The following EYA3 variants were observed in gnomAD, a reference collection of about 807,000 sequenced individuals.
EYA3 encodes the protein protein phosphatase EYA3.
A neutral mutation model predicts 80.0 loss-of-function variants in EYA3; 39 were observed. The ratio of observed to expected loss-of-function variants is 0.49; its 90% CI spans 0.38 to 0.64. EYA3 has a LOEUF of 0.64. Among genes scored for constraint, EYA3 ranks in the 30% least tolerant of loss-of-function variants. The pLI, the probability that EYA3 is intolerant of heterozygous loss-of-function variation, is 0.00. For missense variants in EYA3, 523 were observed against 676.1 expected, an observed-to-expected ratio of 0.77 and a Z score of 2.51; for synonymous variants, 206 against 232.8, an observed-to-expected ratio of 0.88 and a Z score of 1.05.
rs1369533852 is a variant in EYA3, at chr1:28,049,164, TA to T, written c.34-739del. ...AGAAGAAGGCAGAAACTCTCCTAGA[TA>T]ATTTGAAGCAAGCGTATCAGGTGGA... On this transcript the variant is annotated intron_variant, in intron 2 of 17. Coordinates refer to ENST00000373871, the MANE Select transcript of EYA3 (RefSeq NM_001990.4). Among the ~76,000 whole-genome samples, 4 of 152,306 alleles carry T rather than the reference TA, an allele frequency of 2.6e-5. No individual in the cohort carries two copies. The East Asian group carries it at 7.7e-4, about 29-fold the overall frequency.
At chr1:28,044,025 G>GA (rs1279757493) in intron 3 of EYA3, among the ~76,000 whole-genome samples, 6 of 151,998 alleles carry the variant, frequency 3.9e-5, no homozygotes, top group Admixed American at 2.6e-4. Context: ...AACTTATAAG[G>GA]AAAATTAAGA....
intron 8 of EYA3, among the ~76,000 whole-genome samples, chr1:28,016,114 A>C (rs1642044849): frequency 6.6e-6 from 1 of 152,318 alleles, no homozygotes; most frequent in Admixed American, 6.5e-5. Context: ...GGAAAAACCA[A>C]ATAGAGACTG....
At chr1:28,051,707 AAACT>A (rs1489960565) in intron 2 of EYA3, among the ~76,000 whole-genome samples, 1 of 152,120 alleles carries the variant, frequency 6.6e-6, no homozygotes, top group Admixed American at 6.5e-5. Context: ...ACAAACAAAA[AAACT>A]TAGGAATAAA....
chr1:28,040,938 G>C (rs913982294), intron 4 of EYA3, among the ~76,000 whole-genome samples: 1 of 152,192 alleles, frequency 6.6e-6, no homozygotes, highest in East Asian at 1.9e-4. Flanking sequence ...AGGGAAGACC[G>C]TGATGACACA....
At chr1:27,983,879 T>G (rs368372740) in intron 16 of EYA3, among the ~76,000 whole-genome samples, 5 of 152,322 alleles carry the variant, frequency 3.3e-5, no homozygotes, top group African/African-American at 1.2e-4. Flanking sequence ...GCTCTCAAAC[T>G]CCTGACCTCA....
intron 7 of EYA3, among the ~76,000 whole-genome samples, chr1:28,018,285 G>T (rs1642205856): frequency 6.6e-6 from 1 of 152,150 alleles, no homozygotes; most frequent in Admixed American, 6.5e-5. Context: ...AGTAATTTGG[G>T]TTAAGTTTTA....
intron 6 of EYA3, among the ~76,000 whole-genome samples, chr1:28,031,478 G>C (rs1320873706): frequency 6.6e-6 from 1 of 152,200 alleles, no homozygotes; most frequent in East Asian, 1.9e-4. Flanking sequence ...GCTAACAATG[G>C]GTAAGTAAGT....
chr1:27,993,656 G>T, intron 13 of EYA3, 96 bp from the exon 14 acceptor site: 1 of 1,013,268 alleles, frequency 9.9e-7, no homozygotes, highest in Non-Finnish European at 1.4e-6. Flanking sequence ...TGATAAATAA[G>T]GCCAATGGCT....
At position 28,061,669 on chromosome 1, in the gene EYA3, A is replaced by G. The variant is rs566128300; in HGVS notation, c.-68-3575T>C. Reference sequence around the variant, plus strand: ...GGCTGGAGTGCAGTGGCGCGATCTCAGCTCACTGCAAGCTCCGCCTCCCAG... The same window carrying G: ...GGCTGGAGTGCAGTGGCGCGATCTCGGCTCACTGCAAGCTCCGCCTCCCAG... On this transcript the variant is annotated intron_variant, in intron 1 of 17. Coordinates refer to ENST00000373871, the MANE Select transcript of EYA3 (RefSeq NM_001990.4). Among the ~76,000 whole-genome samples, 359 of 151,184 alleles carry G rather than the reference A, an allele frequency of 2.4e-3. 1 individual carries two copies. The highest frequency in any genetic ancestry group is 3.7e-3 in the Non-Finnish European group (253 of 67,822).
intron 1 of EYA3, among the ~76,000 whole-genome samples, chr1:28,082,787 G>A (rs1645477828): frequency 6.6e-6 from 1 of 152,080 alleles, no homozygotes. Context: ...TTAACTTCGA[G>A]GGGCCATTTT....
intron 13 of EYA3, among the ~76,000 whole-genome samples, chr1:27,995,323 G>T (rs996602293): frequency 2.0e-5 from 3 of 149,792 alleles, no homozygotes; most frequent in Admixed American, 6.7e-5. Context: ...GGGGTGGGAG[G>T]ATCATTTAAG....
chr1:28,046,724 G>A (rs1644018073), intron 3 of EYA3, among the ~76,000 whole-genome samples: 1 of 152,186 alleles, frequency 6.6e-6, no homozygotes. Flanking sequence ...TAGGTGGATA[G>A]TTGGGTTTAA....
In EYA3 at chr1:28,063,191, A is replaced by G. The variant is rs147720325; in HGVS notation, c.-68-5097T>C. ...ACAGAGATATTCAGGAGTTAACTGG[A>G]TATCTATGACACAGTCCCACATAGA... On this transcript the variant is annotated intron_variant, in intron 1 of 17. Coordinates refer to ENST00000373871, the MANE Select transcript of EYA3 (RefSeq NM_001990.4). Among the ~76,000 whole-genome samples the G allele has an allele frequency of 2.6e-5, 4 of 152,004 alleles. No homozygotes were observed. In the East Asian group the frequency reaches 7.7e-4, roughly 29 times the overall value.
chr1:28,010,580 T>C (rs910984794), intron 10 of EYA3, among the ~76,000 whole-genome samples: 2 of 152,070 alleles, frequency 1.3e-5, no homozygotes, highest in Non-Finnish European at 2.9e-5. Context: ...GATGGGGGTC[T>C]CACTATGTTG....
chr1:27,999,884 T>C, intron 12 of EYA3, 76 bp downstream of exon 12: 2 of 1,107,674 alleles, frequency 1.8e-6, no homozygotes, highest in South Asian at 1.6e-5. Context: ...TATCTTCTAA[T>C]ATAATAAGCA....
Position 28,013,274 on chromosome 1 carries a change from A to G in EYA3, c.606T>C (p.Ile202=), listed in dbSNP as rs1346217465. 3.1e-6 allele frequency: 5 copies of G among 1,613,876 alleles called. No homozygotes were observed. Among genetic ancestry groups the G allele is most frequent in the Non-Finnish European group, 3.4e-6 (4 of 1,179,872 alleles). ...AGGCCTGGTACTGATTCTGACCAAGAATAGTATAGGTGGGATAATCCTGCA... is the reference window on the plus strand; with the variant it reads ...AGGCCTGGTACTGATTCTGACCAAGGATAGTATAGGTGGGATAATCCTGCA... ...ISNQDYPTYT[I]LGQNQYQACY... is the part of the protein sequence containing the mutation. Residue 202 remains isoleucine (I), a synonymous_variant, in exon 9 of 18, where the codon ATT becomes ATC. Transcript: ENST00000373871. The surrounding 1 kb of genome is among the most constrained non-coding windows in gnomAD (Gnocchi z 4.0).
chr1:28,087,346 G>GA lies in EYA3; in HGVS notation c.-69+1177dup, dbSNP rs541891913. 1.8e-4 allele frequency among the ~76,000 whole-genome samples: 27 copies of GA among 149,358 alleles called. No individual in the cohort carries two copies. The South Asian group carries it at 4.4e-3, about 25-fold the overall frequency. On this transcript the variant is annotated intron_variant, in intron 1 of 17. Coordinates refer to ENST00000373871, the MANE Select transcript of EYA3 (RefSeq NM_001990.4). ...TTACTACAAAGGTGGAAATGGTAAG[G>GA]AAAAAAAAATACAAAAGTTAGAAGA...
At chr1:27,987,135 G>A (rs770230934) in intron 16 of EYA3, among the ~76,000 whole-genome samples, 2 of 152,120 alleles carry the variant, frequency 1.3e-5, no homozygotes, top group Non-Finnish European at 2.9e-5. Flanking sequence ...TCCAGCCTCT[G>A]GCAATTATCA....
chr1:28,058,856 A>G (rs113394262), intron 1 of EYA3, among the ~76,000 whole-genome samples: 6,059 of 152,312 alleles, frequency 0.04, 137 homozygotes, highest in Middle Eastern at 0.054. Context: ...TCCTACTGAC[A>G]GGAGACAAAG....
Sources: allele counts gnomAD v4.1 joint callset (sites outside exome capture counted in the v4.1 genomes callset), GRCh38; gene constraint gnomAD v4.1.1; non-coding constraint Gnocchi (gnomAD v3.1); transcripts MANE v1.5; gene names NCBI Gene and HGNC (gene_info 2026-07-23, HGNC 2026-07-21).